Variants in DIAPH2 observed in about 807,000 individuals in gnomAD.
DIAPH2 encodes diaphanous related formin 2.
Under a neutral mutation model 92.7 loss-of-function variants are expected in DIAPH2, and 35 were observed. The ratio of observed to expected loss-of-function variants is 0.38; its 90% CI spans 0.29 to 0.50. The LOEUF (loss-of-function observed/expected upper bound fraction) is 0.50. DIAPH2 is among the 20% of genes least tolerant of loss of function. DIAPH2 has a pLI of 0.94. For synonymous variants in DIAPH2, 301 were observed against 280.4 expected (o/e 1.07, Z -0.73); for missense variants, 701 against 819.5 (o/e 0.86, Z 1.77).
intron 26 of DIAPH2, among the ~76,000 whole-genome samples, chrX:97,574,588 G>T (rs1351732551): frequency 9.0e-6 from 1 of 111,517 alleles, no homozygotes; most frequent in Non-Finnish European, 1.9e-5. Context: ...TTCTTGGGTA[G>T]GAAAAGAAAA....
chrX:96,891,869 T>C (rs1322774484), intron 5 of DIAPH2, among the ~76,000 whole-genome samples: 1 of 112,118 alleles, frequency 8.9e-6, no homozygotes, highest in African/African-American at 3.2e-5. Context: ...AGCCAATATT[T>C]CCAAGCCAGT....
chrX:97,519,564 G>C (rs1325001661), intron 26 of DIAPH2, among the ~76,000 whole-genome samples: 4 of 111,611 alleles, frequency 3.6e-5, no homozygotes, highest in Non-Finnish European at 5.6e-5. Flanking sequence ...GTATACCTAA[G>C]AAGATGAAGT....
chrX:97,031,750 G>T (rs1035845214), intron 17 of DIAPH2, among the ~76,000 whole-genome samples: 1 of 111,646 alleles, frequency 9.0e-6, no homozygotes, highest in Non-Finnish European at 1.9e-5. Context: ...GAAAAGAGAA[G>T]AGTAGGATAT....
chrX:97,254,120 A>G (rs1395842975), intron 23 of DIAPH2, among the ~76,000 whole-genome samples: 1 of 111,778 alleles, frequency 8.9e-6, no homozygotes, highest in Non-Finnish European at 1.9e-5. Context: ...GATTTTTGCT[A>G]AACAGACCCA....
chrX:97,061,475 A>C (rs891003575), intron 17 of DIAPH2, among the ~76,000 whole-genome samples: 1 of 111,357 alleles, frequency 9.0e-6, no homozygotes. Flanking sequence ...GTTTTCAGTG[A>C]CCTGGCAGAA....
chrX:97,596,665 G>A (rs1358572528), intron 26 of DIAPH2, among the ~76,000 whole-genome samples: 2 of 111,538 alleles, frequency 1.8e-5, no homozygotes, highest in Admixed American at 1.9e-4. Context: ...ATCACCTCTG[G>A]CAGCAATCAT....
intron 15 of DIAPH2, among the ~76,000 whole-genome samples, chrX:96,955,657 A>G (rs1247770103): frequency 1.8e-5 from 2 of 112,123 alleles, no homozygotes; most frequent in Non-Finnish European, 3.8e-5. Context: ...TCAAATGGGA[A>G]AAATTGGCCA....
chrX:97,349,937 T>C (rs377037301), intron 24 of DIAPH2, among the ~76,000 whole-genome samples: 104 of 111,875 alleles, frequency 9.3e-4, no homozygotes, highest in African/African-American at 3.3e-3. Flanking sequence ...GACCAGAAAA[T>C]ATACTTTAGT....
At chrX:97,371,645 A>G (rs764323392) in intron 24 of DIAPH2, among the ~76,000 whole-genome samples, 7 of 111,259 alleles carry the variant, frequency 6.3e-5, no homozygotes, top group Non-Finnish European at 1.1e-4. Flanking sequence ...TCTACTTGTC[A>G]AGGTAATTTG....
chrX:97,546,776 C>T (rs1490365350), intron 26 of DIAPH2, among the ~76,000 whole-genome samples: 1 of 110,415 alleles, frequency 9.1e-6, no homozygotes, highest in Non-Finnish European at 1.9e-5. Context: ...GCGGAGGTTG[C>T]AGTGAGCCAA....
intron 23 of DIAPH2, among the ~76,000 whole-genome samples, chrX:97,289,900 A>G (rs2068575955): frequency 9.1e-6 from 1 of 109,493 alleles, no homozygotes; most frequent in Non-Finnish European, 1.9e-5. Context: ...AACTTTTGGC[A>G]TTTTTAGTAG....
intron 20 of DIAPH2, among the ~76,000 whole-genome samples, chrX:97,108,466 G>T (rs1402671368): frequency 8.9e-6 from 1 of 112,034 alleles, no homozygotes; most frequent in East Asian, 2.8e-4. Flanking sequence ...TTTAATAATT[G>T]TATCTGTGGC....
At chrX:97,180,077 A>G (rs776038756) in intron 22 of DIAPH2, among the ~76,000 whole-genome samples, 5 of 111,845 alleles carry the variant, frequency 4.5e-5, no homozygotes, top group Non-Finnish European at 9.4e-5. Flanking sequence ...CATATCACCC[A>G]GTATTGGGAT....
chrX:97,164,378 G>A (rs1344423670), intron 22 of DIAPH2, among the ~76,000 whole-genome samples: 1 of 111,551 alleles, frequency 9.0e-6, no homozygotes, highest in African/African-American at 3.3e-5. Flanking sequence ...TTCCTGCAAA[G>A]AAATTATATA....
At chrX:97,169,983 T>C (rs1292184565) in intron 22 of DIAPH2, among the ~76,000 whole-genome samples, 1 of 112,306 alleles carries the variant, frequency 8.9e-6, no homozygotes, top group Non-Finnish European at 1.9e-5. Flanking sequence ...TTGTTGTTTT[T>C]TGTTATTTTT....
intron 17 of DIAPH2, among the ~76,000 whole-genome samples, chrX:97,017,481 T>C (rs1268616021): frequency 8.9e-6 from 1 of 111,881 alleles, no homozygotes; most frequent in Non-Finnish European, 1.9e-5. Context: ...CTCAAGAATT[T>C]GGGACCTTCT....
intron 26 of DIAPH2, among the ~76,000 whole-genome samples, chrX:97,444,325 A>G (rs1196337462): frequency 9.1e-6 from 1 of 110,111 alleles, no homozygotes; most frequent in Non-Finnish European, 1.9e-5. Context: ...TACATTATTC[A>G]CAAATCTGCA....
At chrX:97,203,463 G>T (rs2067770090) in intron 22 of DIAPH2, among the ~76,000 whole-genome samples, 2 of 111,077 alleles carry the variant, frequency 1.8e-5, no homozygotes, top group African/African-American at 6.5e-5. Flanking sequence ...GAATCAAATA[G>T]ACACAATAAA....
chrX:96,995,864 A>G (rs2066101773), intron 17 of DIAPH2, among the ~76,000 whole-genome samples: 1 of 110,274 alleles, frequency 9.1e-6, no homozygotes, highest in East Asian at 2.8e-4. Context: ...CCTAGTTAAT[A>G]TTAAAAAAAT....
Sources: allele counts gnomAD v4.1 joint callset (sites outside exome capture counted in the v4.1 genomes callset), GRCh38; gene constraint gnomAD v4.1.1; transcripts MANE v1.5; gene names NCBI Gene and HGNC (gene_info 2026-07-23, HGNC 2026-07-21).